HMGA2: variants seen among roughly 807,000 people sequenced by gnomAD.
The protein encoded by HMGA2 is high mobility group protein HMGI-C.
A neutral mutation model predicts 19.1 loss-of-function variants in HMGA2; 8 were observed. The observed-to-expected ratio is 0.42, with a 90% CI of 0.25 to 0.76. HMGA2 has a LOEUF of 0.76. Among genes scored for constraint, HMGA2 ranks in the 30% least tolerant of loss-of-function variants. HMGA2 has a pLI of 0.28. For missense variants in HMGA2, 109 were observed against 136.3 expected (o/e 0.80, Z 1.00); for synonymous variants, 60 against 48.8 (o/e 1.23, Z -0.96).
At chr12:65,875,587 C>CAATTTTTTTTTTT (rs1565717384) in intron 3 of HMGA2, among the ~76,000 whole-genome samples, 1 of 34,062 alleles carries the variant, frequency 2.9e-5, no homozygotes, top group Non-Finnish European at 1.0e-4. Flanking sequence ...CCGTGCCCGG[C>CAATTTTTTTTTTT]TATTTTTTTT....
intron 3 of HMGA2, among the ~76,000 whole-genome samples, chr12:65,931,811 G>A (rs554819439): frequency 3.9e-4 from 59 of 152,190 alleles, no homozygotes; most frequent in African/African-American, 1.3e-3. Context: ...TTGACAGGAG[G>A]CTGAGACAAG....
chr12:65,915,138 T>A (rs773044960), intron 3 of HMGA2: 9 of 1,613,524 alleles, frequency 5.6e-6, no homozygotes, highest in Non-Finnish European at 5.9e-6. Context: ...TGAATTGTCA[T>A]TGGAGGAGTC....
chr12:65,923,404 G>A (rs1875390309), intron 3 of HMGA2, among the ~76,000 whole-genome samples: 2 of 152,184 alleles, frequency 1.3e-5, no homozygotes, highest in Admixed American at 1.3e-4. Context: ...TTTCTTTGAT[G>A]AAGGAACACT....
intron 3 of HMGA2, among the ~76,000 whole-genome samples, chr12:65,939,392 G>C (rs1383852463): frequency 2.0e-5 from 3 of 150,478 alleles, no homozygotes; most frequent in Non-Finnish European, 4.4e-5. Context: ...GTCTCGCTCT[G>C]TCACCCAGGC....
intron 3 of HMGA2, among the ~76,000 whole-genome samples, chr12:65,937,511 A>G (rs1200617546): frequency 6.6e-6 from 1 of 152,212 alleles, no homozygotes; most frequent in African/African-American, 2.4e-5. Context: ...AGCTCATGTT[A>G]GTTATTTACT....
At chr12:65,901,711 A>T (rs1164395833) in intron 3 of HMGA2, among the ~76,000 whole-genome samples, 1 of 152,162 alleles carries the variant, frequency 6.6e-6, no homozygotes, top group African/African-American at 2.4e-5. Context: ...ATATGCACAC[A>T]TTGTTTTTTC....
At chr12:65,834,394 C>T (rs1870613971) in intron 2 of HMGA2, among the ~76,000 whole-genome samples, 1 of 152,168 alleles carries the variant, frequency 6.6e-6, no homozygotes, top group Admixed American at 6.5e-5. Context: ...AAGTTTTCTT[C>T]TTTGCTAAAT....
At chr12:65,875,587 CTATTTTTTTTTTTTTTTTTTT>C (rs1565717393) in intron 3 of HMGA2, among the ~76,000 whole-genome samples, 4 of 34,062 alleles carry the variant, frequency 1.2e-4, no homozygotes, top group Non-Finnish European at 4.0e-4. Flanking sequence ...CCGTGCCCGG[CTATTTTTTTTTTTTTTTTTTT>C]TTTTTTTTTT....
At chr12:65,852,114 CAATTTGTGCAAAT>C (rs1390002755) in intron 3 of HMGA2, among the ~76,000 whole-genome samples, 7 of 151,922 alleles carry the variant, frequency 4.6e-5, no homozygotes, top group East Asian at 1.9e-4. Flanking sequence ...GTACAAAGTA[CAATTTGTGCAAAT>C]AATTTGTACA....
intron 3 of HMGA2, among the ~76,000 whole-genome samples, chr12:65,906,026 G>A (rs986078009): frequency 2.0e-5 from 3 of 152,080 alleles, no homozygotes; most frequent in Non-Finnish European, 2.9e-5. Context: ...TTAAAACAGC[G>A]AACAAGCTGC....
chr12:65,869,498 T>A (rs1872599146), intron 3 of HMGA2, among the ~76,000 whole-genome samples: 1 of 152,118 alleles, frequency 6.6e-6, no homozygotes, highest in Non-Finnish European at 1.5e-5. Flanking sequence ...GTGGGGTCAA[T>A]TCTTAGGGAT....
chr12:65,834,064 A>T (rs1447084852), intron 2 of HMGA2, among the ~76,000 whole-genome samples: 5 of 152,202 alleles, frequency 3.3e-5, no homozygotes, highest in African/African-American at 7.2e-5. Flanking sequence ...TGATTCAAAG[A>T]TGTAAACAGG....
At chr12:65,943,086 A>G (rs1303065317) in intron 3 of HMGA2, among the ~76,000 whole-genome samples, 1 of 152,182 alleles carries the variant, frequency 6.6e-6, no homozygotes, top group Non-Finnish European at 1.5e-5. Context: ...ATATTAATCT[A>G]AAATTGTACA....
intron 3 of HMGA2, among the ~76,000 whole-genome samples, chr12:65,918,473 A>G (rs1299917449): frequency 6.6e-6 from 1 of 152,234 alleles, no homozygotes; most frequent in Non-Finnish European, 1.5e-5. Context: ...GTTAATCTGT[A>G]AGTTTTTTTA....
intron 3 of HMGA2, among the ~76,000 whole-genome samples, chr12:65,854,544 A>G (rs1449262259): frequency 1.3e-5 from 2 of 152,248 alleles, no homozygotes; most frequent in African/African-American, 2.4e-5. Flanking sequence ...ACTTTATCAC[A>G]TGTAGGTTCA....
chr12:65,957,979 T>A (rs971612134), intron 4 of HMGA2: 5 of 152,044 alleles, frequency 3.3e-5, no homozygotes, highest in African/African-American at 1.2e-4. Context: ...AGCTTCACAC[T>A]ATAGTCTTAC....
chr12:65,825,185 C>A lies in HMGA2; in HGVS notation c.-86C>A. On this transcript the variant is annotated 5_prime_UTR_variant, in exon 1 of 5. Transcript: ENST00000403681. This position sits in a 1 kb window ranked among gnomAD's most constrained non-coding sequence, Gnocchi z 4.4. The stretch of plus-strand genomic sequence containing the variant: ...GCCCCGCCGGCGTCCCCAGCCCTAT[C>A]ACCTCATCTCCCGAAAGGTGCTGGG... 8.2e-7 allele frequency: 1 copy of A among 1,223,488 alleles called. No individual in the cohort carries two copies. The highest frequency in any genetic ancestry group is 1.1e-6 in the Non-Finnish European group (1 of 881,090). The allele number at this position is 1,223,488 out of a possible 1,614,324, so 75.8% of individuals were successfully genotyped here. A position where few individuals can be genotyped will look rare whatever the true frequency, so the allele number is the denominator to read the frequency against.
intron 3 of HMGA2, among the ~76,000 whole-genome samples, chr12:65,921,245 G>C (rs1027512920): frequency 3.3e-5 from 5 of 152,080 alleles, no homozygotes; most frequent in African/African-American, 1.2e-4. Flanking sequence ...TACTGTTAAA[G>C]GCATTCAGTT....
chr12:65,876,107 A>T (rs1873009592), intron 3 of HMGA2, among the ~76,000 whole-genome samples: 1 of 152,096 alleles, frequency 6.6e-6, no homozygotes, highest in Admixed American at 6.5e-5. Flanking sequence ...TTTCTCCTAA[A>T]CTGGTTATAT....
Sources: allele counts gnomAD v4.1 joint callset (sites outside exome capture counted in the v4.1 genomes callset), GRCh38; gene constraint gnomAD v4.1.1; non-coding constraint Gnocchi (gnomAD v3.1); transcripts MANE v1.5; gene names NCBI Gene and HGNC (gene_info 2026-07-23, HGNC 2026-07-21).